The following ALOXE3 variants were observed in gnomAD, a reference collection of about 807,000 sequenced individuals.
ALOXE3 encodes arachidonate epidermal lipoxygenase 3.
Under a neutral mutation model 87.5 loss-of-function variants are expected in ALOXE3, and 78 were observed. That is an observed-to-expected ratio of 0.89 (90% CI 0.74 to 1.08). The LOEUF is 1.08. Among genes scored for constraint, ALOXE3 ranks in the 50% least tolerant of loss-of-function variants. The pLI is 0.00. For missense variants in ALOXE3, 946 were observed against 912.4 expected, an observed-to-expected ratio of 1.04 and a Z score of -0.47; for synonymous variants, 363 against 370.8, an observed-to-expected ratio of 0.98 and a Z score of 0.24.
Position 8,116,802 on chromosome 17 carries a change from C to G in ALOXE3, c.326G>C (p.Cys109Ser). 1.2e-6 allele frequency: 2 copies of G among 1,614,234 alleles called. No individual in the cohort carries two copies. Among genetic ancestry groups the G allele is most frequent in the Non-Finnish European group, 1.7e-6 (2 of 1,180,042 alleles). The change falls in exon 3 of 16, where the codon TGC becomes TCC. Residue 109 changes from cysteine (C) to serine (S), a missense_variant. Physicochemically the swap from Cys to Ser is moderately radical, Grantham distance 112. Coordinates refer to ENST00000448843, the MANE Select transcript of ALOXE3 (RefSeq NM_021628.3). The part of the protein sequence containing the change: ...FPCYQWIEGY[C>S]TVELRPGTAR... ...TGTTCCTGGCCTCAGCTCCACGGTG[C>G]AGTAGCCTTCAATCCACTGATAGCA...
chr17:8,107,826 A>G (rs887903518), intron 13 of ALOXE3, among the ~76,000 whole-genome samples: 414 of 2,986 alleles, frequency 0.14, 50 homozygotes, highest in Middle Eastern at 0.62. Flanking sequence ...AGAAAGAAAG[A>G]AAGAAAGAAA....
Position 8,097,167 on chromosome 17 carries a change from T to C in ALOXE3, c.1957-361A>G, listed in dbSNP as rs142574042. Among the ~76,000 whole-genome samples the C allele has an allele frequency of 6.5e-3, 996 of 152,296 alleles. 12 individuals are homozygous for C. Among genetic ancestry groups the C allele is most frequent in the African/African-American group, 0.022 (916 of 41,558 alleles). ...ATTTTTGAGGCAAGGTCTCACTCTGTTGCCCAGGCTGGAGTACAGTGGTGT... is the reference window on the plus strand; with the variant it reads ...ATTTTTGAGGCAAGGTCTCACTCTGCTGCCCAGGCTGGAGTACAGTGGTGT... On this transcript the variant is annotated intron_variant, in intron 15 of 15. Transcript: ENST00000448843.
rs1309546593 is a variant in ALOXE3 at position 8,110,404 on chromosome 17, A to G, written c.1082T>C (p.Leu361Pro). The stretch of plus-strand genomic sequence containing the variant: ...GCTCACCTGGATGGCCAAGGGCACC[A>G]GCGCCCCCTGGGGGCTGAGCCACAG... ...CLLWLSPQGA[L>P]VPLAIQLSQT... The change falls in exon 9 of 16, where the codon CTG (leucine) becomes CCG (proline). Residue 361 changes from leucine to proline, a missense_variant. Physicochemically the swap from Leu to Pro is moderately conservative, Grantham distance 98. Transcript: ENST00000448843. 2 of 1,608,914 alleles carry G rather than the reference A, an allele frequency of 1.2e-6. No homozygotes were observed. The highest frequency in any genetic ancestry group is 1.7e-6 in the Non-Finnish European group (2 of 1,177,126).
chr17:8,117,905 G>C lies in ALOXE3; in HGVS notation c.86C>G (p.Thr29Arg). The C allele has an allele frequency of 1.9e-6, 3 of 1,612,076 alleles. No homozygotes were observed. The highest frequency in any genetic ancestry group is 1.7e-5 in the Admixed American group (1 of 59,834). The change falls in exon 2 of 16, where the codon ACG (threonine) becomes AGG (arginine). Residue 29 changes from threonine (T) to arginine (R), a missense_variant. Transcript: ENST00000448843. ...LDNISVTLVG[T>R]CGESPKQRLD... ...CCGCTGCTTGGGGCTTTCACCACAC[G>C]TGCCCACCAGTGTGACAGAGATGTT...
chr17:8,104,750 T>C (rs900372026), intron 13 of ALOXE3, among the ~76,000 whole-genome samples: 45 of 152,256 alleles, frequency 3.0e-4, no homozygotes, highest in African/African-American at 9.9e-4. Flanking sequence ...GAGTGGTTAG[T>C]GGAGGCCTCC....
intron 15 of ALOXE3, among the ~76,000 whole-genome samples, chr17:8,100,165 A>T (rs1041388572): frequency 1.3e-5 from 2 of 152,070 alleles, no homozygotes; most frequent in African/African-American, 2.4e-5. Context: ...GGAAGCAAAA[A>T]AAATAGTGCT....
Position 8,111,938 on chromosome 17 carries a change from G to A in ALOXE3, c.784+155C>T, listed in dbSNP as rs143031448. Among the ~76,000 whole-genome samples the A allele has an allele frequency of 1.3e-4, 20 of 152,270 alleles. 1 individual carries two copies. The East Asian group carries it at 3.9e-3, about 29-fold the overall frequency. On this transcript the variant is annotated intron_variant, in intron 7 of 15. Transcript: ENST00000448843. ...GGTGCTTTGTTCTCCAGAGGAATCT[G>A]GGAGATGCCACCAGTGAAGCCAGGA...
intron 2 of ALOXE3, among the ~76,000 whole-genome samples, chr17:8,117,267 A>G (rs897765977): frequency 6.6e-6 from 1 of 152,176 alleles, no homozygotes; most frequent in Non-Finnish European, 1.5e-5. Context: ...AAAAATACAA[A>G]AAATTAGTCG....
In ALOXE3 at chr17:8,111,377, G is replaced by T; in HGVS notation, c.939C>A (p.Cys313Ter). The T allele has an allele frequency of 6.2e-7, 1 of 1,613,424 alleles. No homozygotes were observed. The highest frequency in any genetic ancestry group is 8.5e-7 in the Non-Finnish European group (1 of 1,180,038). ...TACCCACCTCTAGCTCTGTCTGCAG[G>T]CATGTGTCCTGTCCCAGCAAGGGGG... ...MVAPLLGQDT[C>*]LQTELERGNI... The change falls in exon 8 of 16, where the codon TGC becomes TGA. Residue 313 changes from cysteine to a stop codon, truncating the protein, a stop_gained. Coordinates refer to ENST00000448843, the MANE Select transcript of ALOXE3 (RefSeq NM_021628.3). LOFTEE classifies it high-confidence loss of function.
intron 6 of ALOXE3, among the ~76,000 whole-genome samples, chr17:8,113,283 G>A (rs1484033401): frequency 6.6e-6 from 1 of 152,180 alleles, no homozygotes; most frequent in Non-Finnish European, 1.5e-5. Context: ...GAGCTCCTCA[G>A]GGCAAGGACT....
chr17:8,109,923 A>G lies in ALOXE3; in HGVS notation c.1385T>C (p.Val462Ala), dbSNP rs1334094403. 3 of 1,550,276 alleles carry G rather than the reference A, an allele frequency of 1.9e-6. No homozygotes were observed. Among genetic ancestry groups the G allele is most frequent in the Non-Finnish European group, 8.7e-7 (1 of 1,146,336 alleles). ...RATLLNPEGL[V>A]DQVTSIGRQG... Reference sequence around the variant, plus strand: ...CCGGCAGGGAGGCCGCACCTGGTCCACGAGGCCCTCGGGGTTGAGCAGCGT... The same window carrying G: ...CCGGCAGGGAGGCCGCACCTGGTCCGCGAGGCCCTCGGGGTTGAGCAGCGT... The change falls in exon 11 of 16, where the codon GTG (valine) becomes GCG (alanine). Residue 462 changes from valine (V) to alanine (A), a missense_variant. Physicochemically the swap from Val to Ala is moderately conservative, Grantham distance 64. Transcript: ENST00000448843.
At position 8,110,312 on chromosome 17, in the gene ALOXE3, C is replaced by A. The variant is rs1979944888; in HGVS notation, c.1102-17G>T. 1.2e-6 allele frequency: 2 copies of A among 1,613,080 alleles called. No homozygotes were observed. The highest frequency in any genetic ancestry group is 1.7e-6 in the Non-Finnish European group (2 of 1,179,194). The stretch of plus-strand genomic sequence containing the variant: ...CTGGCTGAGCTGCGTCCGAAAGGAA[C>A]GAGGGATGATGGGGCTCCGGGCTGG... On this transcript the variant is annotated splice_polypyrimidine_tract_variant and intron_variant, in intron 9 of 15. Coordinates refer to ENST00000448843, the MANE Select transcript of ALOXE3 (RefSeq NM_021628.3).
upstream of ALOXE3, chr17:8,118,747 G>A (rs3027232): frequency 0.26 from 393,769 of 1,537,118 alleles, 55,796 homozygotes; most frequent in East Asian, 0.51. Context: ...ATACAGCGCC[G>A]GCAAACAGGG....
At chr17:8,114,844 C>A in intron 5 of ALOXE3, 94 bp downstream of exon 5, 1 of 1,572,320 alleles carries the variant, frequency 6.4e-7, no homozygotes, top group Non-Finnish European at 8.7e-7. Flanking sequence ...TGTCATAGAC[C>A]CCTACCCCTC....
chr17:8,106,622 A>G (rs947499815), intron 13 of ALOXE3, among the ~76,000 whole-genome samples: 1 of 152,204 alleles, frequency 6.6e-6, no homozygotes, highest in Non-Finnish European at 1.5e-5. Flanking sequence ...CCATTGGAAT[A>G]TGGAACCTGA....
In ALOXE3 at chr17:8,111,527, A is replaced by G. The variant is rs781000598; in HGVS notation, c.789T>C (p.Tyr263=). 3 of 1,614,202 alleles carry G rather than the reference A, an allele frequency of 1.9e-6. No individual in the cohort carries two copies. The highest frequency in any genetic ancestry group is 3.3e-5 in the Admixed American group (2 of 60,034). The change falls in exon 8 of 16, where the codon TAT becomes TAC. Residue 263 remains tyrosine, a synonymous_variant. Transcript: ENST00000448843. ...GATCTTCACACCAGTGCTCTGTGAC[A>G]TACTCTGGGATACAAGAGAGGGGAC... ...FWCHKTFTTK[Y]VTEHWCEDHF...
rs192696683 is a variant in ALOXE3 at position 8,108,287 on chromosome 17, G to C, written c.1684+181C>G. 3.3e-5 allele frequency among the ~76,000 whole-genome samples: 5 copies of C among 152,350 alleles called. No individual in the cohort carries two copies. The East Asian group carries it at 9.6e-4, about 29-fold the overall frequency. On this transcript the variant is annotated intron_variant, in intron 13 of 15. Transcript: ENST00000448843. ...GCAGCAATGGCTTTGGAGACAGTCG[G>C]AGCTGGCTCGGAACCCGCCTTGCAC...
chr17:8,115,058 C>T lies in ALOXE3; in HGVS notation c.435-1G>A. On this transcript the variant is annotated splice_acceptor_variant, in intron 4 of 15. Coordinates refer to ENST00000448843, the MANE Select transcript of ALOXE3 (RefSeq NM_021628.3). LOFTEE classifies it high-confidence loss of function. ...GAAGCCAGGGGCATAGATCTTCCAG[C>T]TTCCGAGGGAAAGAGGTCAGAGGTG... 2 of 1,614,186 alleles carry T rather than the reference C, an allele frequency of 1.2e-6. No individual in the cohort carries two copies. The highest frequency in any genetic ancestry group is 1.7e-6 in the Non-Finnish European group (2 of 1,180,024).
chr17:8,111,862 C>G (rs1980121031), intron 7 of ALOXE3, among the ~76,000 whole-genome samples: 1 of 151,798 alleles, frequency 6.6e-6, no homozygotes, highest in African/African-American at 2.4e-5. Flanking sequence ...CCCAGGCAAG[C>G]AGAGTGTCTC....
Sources: gnomAD v4.1 joint callset for allele counts (sites outside exome capture counted in the v4.1 genomes callset) on GRCh38, gnomAD v4.1.1 for gene constraint, MANE v1.5 for transcripts, NCBI Gene and HGNC (gene_info 2026-07-23, HGNC 2026-07-21) for gene names.